DPP6: variants seen among roughly 807,000 people sequenced by gnomAD.
DPP6 encodes the protein A-type potassium channel modulatory protein DPP6.
In DPP6, 69 loss-of-function variants were observed where a neutral mutation model predicts 122.6. The ratio of observed to expected loss-of-function variants is 0.56; its 90% CI spans 0.46 to 0.69. DPP6 has a LOEUF of 0.69. Ranked by LOEUF, DPP6 falls within the 30% of genes least tolerant of loss-of-function variation. The probability of loss-of-function intolerance (pLI) is 0.00; values close to 1 mark genes in which losing one functional copy is unlikely to be tolerated. For synonymous variants in DPP6, 418 were observed against 433.1 expected, an observed-to-expected ratio of 0.97 and a Z score of 0.43; for missense variants, 928 against 1,116.9, an observed-to-expected ratio of 0.83 and a Z score of 2.41.
chr7:154,613,470 T>G (rs1834032748), intron 5 of DPP6, among the ~76,000 whole-genome samples: 1 of 151,330 alleles, frequency 6.6e-6, no homozygotes, highest in African/African-American at 2.4e-5. Context: ...AAATACAAAA[T>G]TAGCCAGGCA....
intron 1 of DPP6, among the ~76,000 whole-genome samples, chr7:153,898,082 A>G (rs1283147999): frequency 6.6e-6 from 1 of 152,250 alleles, no homozygotes; most frequent in Non-Finnish European, 1.5e-5. Context: ...AAACAGACAG[A>G]TAGAAGGAAT....
chr7:154,275,776 CAAG>C (rs1804088802), intron 1 of DPP6, among the ~76,000 whole-genome samples: 1 of 152,160 alleles, frequency 6.6e-6, no homozygotes, highest in Non-Finnish European at 1.5e-5. Flanking sequence ...CTGGATCCCT[CAAG>C]AGGAGGAGAG....
intron 1 of DPP6, among the ~76,000 whole-genome samples, chr7:154,255,044 A>G (rs896149182): frequency 2.0e-5 from 3 of 152,162 alleles, no homozygotes; most frequent in African/African-American, 7.2e-5. Context: ...AGAGAACCAC[A>G]TGGGCAAAAA....
rs1797600738 is a variant in DPP6 at position 153,999,742 on chromosome 7, T to C, written c.51+112008T>C. Among the ~76,000 whole-genome samples the C allele has an allele frequency of 1.3e-5, 2 of 152,352 alleles. 1 individual carries two copies. The highest frequency in any genetic ancestry group is 6.8e-3 in the Middle Eastern group (2 of 294). Reference sequence around the variant, plus strand: ...GGGAGACCAAGGCAAGTGGATCGCCTGAGCTCAAGAGTTTGAGACTAGCCT... The same window carrying C: ...GGGAGACCAAGGCAAGTGGATCGCCCGAGCTCAAGAGTTTGAGACTAGCCT... On this transcript the variant is annotated intron_variant, in intron 1 of 25. Coordinates refer to the DPP6 transcript ENST00000404039.
chr7:154,023,207 C>A (rs371382079), intron 1 of DPP6, among the ~76,000 whole-genome samples: 3,443 of 150,396 alleles, frequency 0.023, 159 homozygotes, highest in African/African-American at 0.083. Context: ...CCCTTGGCAT[C>A]TTTTGTACCT....
At chr7:154,630,011 T>C (rs1193193476) in intron 5 of DPP6, among the ~76,000 whole-genome samples, 1 of 152,214 alleles carries the variant, frequency 6.6e-6, no homozygotes, top group African/African-American at 2.4e-5. Context: ...AAGAGTGTTT[T>C]TTATTCCTTT....
chr7:154,396,584 A>G (rs1488791786), intron 1 of DPP6, among the ~76,000 whole-genome samples: 1 of 152,242 alleles, frequency 6.6e-6, no homozygotes, highest in African/African-American at 2.4e-5. Context: ...GATTGTAATG[A>G]AGATTAAAGG....
intron 1 of DPP6, chr7:154,055,718 C>A (rs1167772314): frequency 1.3e-5 from 2 of 152,230 alleles, no homozygotes; most frequent in African/African-American, 4.8e-5. Flanking sequence ...GGTGCTGAAA[C>A]CTTCTCTTGG....
chr7:154,613,511 C>T (rs1018423077), intron 5 of DPP6, among the ~76,000 whole-genome samples: 8 of 150,060 alleles, frequency 5.3e-5, no homozygotes, highest in African/African-American at 7.4e-5. Flanking sequence ...CCCAGCTACT[C>T]GGGAGGCTGA....
rs191837626 is a variant in DPP6, at chr7:154,683,504, T to C, written c.762+14063T>C. ...CACCTTCTTCTTTCTGTTCCCACCA[T>C]CACCTCATGCCTAGGTTCCTGTAAC... On this transcript the variant is annotated intron_variant, in intron 7 of 25. Coordinates refer to ENST00000377770, the MANE Select transcript of DPP6 (RefSeq NM_130797.4). 9.5e-4 allele frequency among the ~76,000 whole-genome samples: 144 copies of C among 152,304 alleles called. 1 individual carries two copies. Among genetic ancestry groups the C allele is most frequent in the Middle Eastern group, 6.8e-3 (2 of 294 alleles).
Position 154,791,636 on chromosome 7 carries a change from T to C in DPP6, c.1137-2443T>C, listed in dbSNP as rs1238082328. Reference sequence around the variant, plus strand: ...TCAGGCTCTGAGTAAAGAAACAGTGTGGTGGCTACTTCTAGAAAATAACAA... The same window carrying C: ...TCAGGCTCTGAGTAAAGAAACAGTGCGGTGGCTACTTCTAGAAAATAACAA... On this transcript the variant is annotated intron_variant, in intron 10 of 25. Transcript: ENST00000377770. Among the ~76,000 whole-genome samples the C allele has an allele frequency of 2.6e-5, 4 of 152,310 alleles. No homozygotes were observed. The East Asian group carries it at 7.7e-4, about 29-fold the overall frequency.
At chr7:154,554,186 C>A (rs1435152882) in intron 4 of DPP6, among the ~76,000 whole-genome samples, 1 of 151,928 alleles carries the variant, frequency 6.6e-6, no homozygotes, top group Non-Finnish European at 1.5e-5. Flanking sequence ...TTAACATTAT[C>A]GCCAGGCCCA....
At chr7:153,923,382 C>G (rs1479345600) in intron 1 of DPP6, among the ~76,000 whole-genome samples, 1 of 152,156 alleles carries the variant, frequency 6.6e-6, no homozygotes, top group Admixed American at 6.5e-5. Flanking sequence ...GTGGAACTTG[C>G]AGACAACCAT....
chr7:154,559,988 C>CAT (rs997454159), intron 4 of DPP6, among the ~76,000 whole-genome samples: 79 of 145,670 alleles, frequency 5.4e-4, no homozygotes, highest in Non-Finnish European at 9.4e-4. Flanking sequence ...CATATATAAA[C>CAT]ATATATATAT....
chr7:153,809,535 C>T, the DPP6 span, among the ~76,000 whole-genome samples: 1 of 152,190 alleles, frequency 6.6e-6, no homozygotes, highest in African/African-American at 2.4e-5. Context: ...AATTCCTCCC[C>T]ATTCTACTCT....
chr7:154,373,304 C>T (rs923384719), intron 1 of DPP6, among the ~76,000 whole-genome samples: 6 of 152,200 alleles, frequency 3.9e-5, no homozygotes, highest in South Asian at 4.2e-4. Flanking sequence ...GTAGAAATAA[C>T]GATTTAATTC....
At chr7:154,800,625 C>G (rs1798302878) in intron 12 of DPP6, among the ~76,000 whole-genome samples, 1 of 152,172 alleles carries the variant, frequency 6.6e-6, no homozygotes, top group African/African-American at 2.4e-5. Flanking sequence ...TGGAACCCTT[C>G]CCCCAGGGAA....
At chr7:154,614,554 A>T (rs1834111526) in intron 5 of DPP6, among the ~76,000 whole-genome samples, 1 of 152,188 alleles carries the variant, frequency 6.6e-6, no homozygotes, top group South Asian at 2.1e-4. Context: ...TGACAAAGTT[A>T]TCTCACCTTT....
intron 5 of DPP6, among the ~76,000 whole-genome samples, chr7:154,619,266 G>T (rs1040373531): frequency 2.0e-5 from 3 of 152,156 alleles, no homozygotes; most frequent in African/African-American, 7.2e-5. Flanking sequence ...TGACTCCAAA[G>T]GGTACCATCT....
Sources: allele counts gnomAD v4.1 joint callset (sites outside exome capture counted in the v4.1 genomes callset), GRCh38; gene constraint gnomAD v4.1.1; transcripts MANE v1.5; gene names NCBI Gene and HGNC (gene_info 2026-07-23, HGNC 2026-07-21).